CCDC51: variants seen among roughly 807,000 people sequenced by gnomAD.
CCDC51 encodes coiled-coil domain containing 51.
A neutral mutation model predicts 24.8 loss-of-function variants in CCDC51; 25 were observed. The observed-to-expected ratio is 1.01, with a 90% CI of 0.73 to 1.41. The LOEUF (loss-of-function observed/expected upper bound fraction) is 1.41. CCDC51 is among the 40% of genes most tolerant of loss of function. The pLI, the probability that CCDC51 is intolerant of heterozygous loss-of-function variation, is 0.00. For synonymous variants in CCDC51, 190 were observed against 204.3 expected, an observed-to-expected ratio of 0.93 and a Z score of 0.60; for missense variants, 466 against 519.1, an observed-to-expected ratio of 0.90 and a Z score of 0.99.
Position 48,432,795 on chromosome 3 carries a change from C to A in CCDC51, c.849G>T (p.Gly283=), listed in dbSNP as rs752361299. 1 of 1,614,180 alleles carries A rather than the reference C, an allele frequency of 6.2e-7. No homozygotes were observed. Among genetic ancestry groups the A allele is most frequent in the South Asian group, 1.1e-5 (1 of 91,086 alleles). ...TGGTCGGGGGACTACCTGCCTGTGA[C>A]CCAGAGTCCTGCCCTGGCCCAGCAG... ...VHAAGPGQDS[G]SQAGSPPTRD... Residue 283 remains glycine, a synonymous_variant, in exon 4 of 4, where the codon GGG becomes GGT. Transcript: ENST00000395694.
chr3:48,445,723 T>C, the CCDC51 span, among the ~76,000 whole-genome samples: 1 of 152,158 alleles, frequency 6.6e-6, no homozygotes, highest in East Asian at 1.9e-4. Context: ...TCTTTTTCAT[T>C]TACTCTTTTC....
chr3:48,439,261 G>A (rs563188504), intron 1 of CCDC51, among the ~76,000 whole-genome samples: 32 of 152,258 alleles, frequency 2.1e-4, no homozygotes, highest in Non-Finnish European at 3.4e-4. Context: ...CATATAGTAC[G>A]TACCCAGCAA....
At chr3:48,439,252 A>G (rs1437027610) in intron 1 of CCDC51, among the ~76,000 whole-genome samples, 1 of 152,230 alleles carries the variant, frequency 6.6e-6, no homozygotes, top group Non-Finnish European at 1.5e-5. Context: ...TGGTACCTAC[A>G]TATAGTACGT....
upstream of CCDC51, among the ~76,000 whole-genome samples, chr3:48,442,452 CTTT>C (rs904695197): frequency 3.8e-5 from 5 of 130,738 alleles, no homozygotes; most frequent in African/African-American, 1.1e-4. Context: ...TAACCCTACA[CTTT>C]TTTTTTTTTT....
At chr3:48,438,545 CCT>C (rs762574299) in intron 1 of CCDC51, among the ~76,000 whole-genome samples, 19 of 152,240 alleles carry the variant, frequency 1.2e-4, no homozygotes, top group South Asian at 6.2e-4. Context: ...TCGCATCACC[CCT>C]GATTCCTCAT....
chr3:48,440,353 G>T, upstream of CCDC51: 1 of 1,611,934 alleles, frequency 6.2e-7, no homozygotes, highest in East Asian at 2.2e-5. Context: ...GGACGGCGGG[G>T]TGGGGACCGG....
chr3:48,434,530 G>A (rs1292880300), intron 2 of CCDC51, among the ~76,000 whole-genome samples: 1 of 152,170 alleles, frequency 6.6e-6, no homozygotes, highest in South Asian at 2.1e-4. Flanking sequence ...CAAGCCCCAC[G>A]TAACTCTCAC....
At chr3:48,434,054 A>T in intron 2 of CCDC51, 183 bp from the exon 3 acceptor site, 1 of 1,311,072 alleles carries the variant, frequency 7.6e-7, no homozygotes, top group East Asian at 2.9e-5. Flanking sequence ...GCCTTGGGCC[A>T]CACCCATCAG....
chr3:48,435,021 G>A lies in CCDC51; in HGVS notation c.108C>T (p.Leu36=). Residue 36 remains leucine (L), a synonymous_variant, in exon 2 of 4, where the codon CTC becomes CTT. Coordinates refer to ENST00000395694, the MANE Select transcript of CCDC51 (RefSeq NM_001256964.2). This position sits in a 1 kb window ranked among gnomAD's most constrained non-coding sequence, Gnocchi z 4.2. ...CGGGCTGGCTTGGGCCTGGGCTGCA[G>A]AGAGTCCTGGTCATGAAGAGGTCCC... ...LGRDLFMTRT[L]CSPGPSQPGE... The A allele has an allele frequency of 1.9e-6, 3 of 1,614,028 alleles. No individual in the cohort carries two copies. Among genetic ancestry groups the A allele is most frequent in the Non-Finnish European group, 2.5e-6 (3 of 1,179,880 alleles).
chr3:48,433,596 G>A lies in CCDC51; in HGVS notation c.477+111C>T. ...CCATAGGAGCTTCTGGCTCACCTCT[G>A]TACCAGGCCTCTGACTACAGACCAG... is the stretch of plus-strand genomic sequence containing the variant. On this transcript the variant is annotated intron_variant, in intron 3 of 3. Transcript: ENST00000395694. The surrounding 1 kb of genome is among the most constrained non-coding windows in gnomAD (Gnocchi z 4.4). 1 of 1,179,388 alleles carries A rather than the reference G, an allele frequency of 8.5e-7. No homozygotes were observed. The highest frequency in any genetic ancestry group is 1.2e-6 in the Non-Finnish European group (1 of 830,554). The allele number at this position is 1,179,388 out of a possible 1,614,324, so 73.1% of individuals were successfully genotyped here.
upstream of CCDC51, chr3:48,440,305 C>A: frequency 1.2e-6 from 2 of 1,607,274 alleles, no homozygotes; most frequent in Non-Finnish European, 1.7e-6. Flanking sequence ...CCATGTCCGG[C>A]CGCGAAGGTA....
chr3:48,445,899 G>C, the CCDC51 span, among the ~76,000 whole-genome samples: 5 of 152,162 alleles, frequency 3.3e-5, no homozygotes, highest in African/African-American at 1.2e-4. Context: ...AGGCACGCAA[G>C]CCCACCTCAA....
intron 1 of CCDC51, among the ~76,000 whole-genome samples, chr3:48,439,585 T>C (rs2039487303): frequency 6.6e-6 from 1 of 151,156 alleles, no homozygotes; most frequent in Non-Finnish European, 1.5e-5. Flanking sequence ...TGAGCCAAGA[T>C]CGTGCCATTG....
At chr3:48,444,572 C>T (rs936391860), upstream of CCDC51, among the ~76,000 whole-genome samples, 1 of 152,194 alleles carries the variant, frequency 6.6e-6, no homozygotes, top group African/African-American at 2.4e-5. Flanking sequence ...TGTGCCTGAC[C>T]AGAATTTGTG....
chr3:48,434,689 G>T, intron 2 of CCDC51, 128 bp downstream of exon 2: 3 of 832,566 alleles, frequency 3.6e-6, no homozygotes, highest in Non-Finnish European at 3.7e-6. Context: ...GAAGCATCAA[G>T]CCCAGGTTTC....
intron 1 of CCDC51, among the ~76,000 whole-genome samples, chr3:48,436,903 G>A (rs988346247): frequency 3.3e-5 from 5 of 152,144 alleles, no homozygotes; most frequent in Non-Finnish European, 5.9e-5. Context: ...GCACATGGCA[G>A]CCCAAGGCCC....
At chr3:48,440,480 C>T (rs1437218791), upstream of CCDC51, 4 of 1,607,812 alleles carry the variant, frequency 2.5e-6, no homozygotes, top group Non-Finnish European at 3.4e-6. Context: ...CGCGGAGGCA[C>T]TGGCGGGTGC....
the CCDC51 span, among the ~76,000 whole-genome samples, chr3:48,446,012 A>C: frequency 1.3e-5 from 2 of 152,094 alleles, no homozygotes; most frequent in African/African-American, 4.8e-5. Context: ...TGTTAGTCTT[A>C]TGTGCCAGCC....
Position 48,434,936 on chromosome 3 carries a change from T to C in CCDC51, c.193A>G (p.Arg65Gly). Reference sequence around the variant, plus strand: ...TGCTGAATGCTGTGCCCCAGGGCTCTTCCCAGTGCTGGGAGGCGGTGGTGC... The same window carrying C: ...TGCTGAATGCTGTGCCCCAGGGCTCCTCCCAGTGCTGGGAGGCGGTGGTGC... ...GLHHRLPALGRALGHSIQQRA... is the reference protein window; with the variant it reads ...GLHHRLPALGGALGHSIQQRA... The change falls in exon 2 of 4, where the codon AGA becomes GGA. Residue 65 changes from arginine to glycine, a missense_variant. Coordinates refer to ENST00000395694, the MANE Select transcript of CCDC51 (RefSeq NM_001256964.2). 3 of 1,614,252 alleles carry C rather than the reference T, an allele frequency of 1.9e-6. No homozygotes were observed. Among genetic ancestry groups the C allele is most frequent in the South Asian group, 1.1e-5 (1 of 91,090 alleles).
Sources: gnomAD v4.1 joint callset for allele counts (sites outside exome capture counted in the v4.1 genomes callset) on GRCh38, gnomAD v4.1.1 for gene constraint, Gnocchi (gnomAD v3.1) non-coding constraint, MANE v1.5 for transcripts, NCBI Gene and HGNC (gene_info 2026-07-23, HGNC 2026-07-21) for gene names.